Variants in NBEA observed in about 807,000 individuals in gnomAD.
NBEA encodes neurobeachin, also known as lysosomal-trafficking regulator 2.
NBEA carries 44 observed loss-of-function variants against 343.4 expected under a neutral mutation model. That is an observed-to-expected ratio of 0.13 (90% CI 0.10 to 0.16). The LOEUF (loss-of-function observed/expected upper bound fraction) is 0.16. NBEA is among the 10% of genes least tolerant of loss of function. The probability of loss-of-function intolerance (pLI) is 1.00; values close to 1 mark genes in which losing one functional copy is unlikely to be tolerated. For synonymous variants in NBEA, 1,175 were observed against 1,238.7 expected (o/e 0.95, Z 1.08); for missense variants, 2,555 against 3,631.3 (o/e 0.70, Z 7.62).
chr13:35,029,604 A>G (rs1188420513), intron 1 of NBEA, among the ~76,000 whole-genome samples: 1 of 151,636 alleles, frequency 6.6e-6, no homozygotes, highest in Non-Finnish European at 1.5e-5. Context: ...GCAGTTTAAC[A>G]ATTGTTCACT....
chr13:34,960,486 G>C (rs550983474), intron 1 of NBEA, among the ~76,000 whole-genome samples: 82 of 151,858 alleles, frequency 5.4e-4, no homozygotes, highest in Admixed American at 5.9e-4. Context: ...TAATGTCCTA[G>C]GCCTTCACAT....
chr13:35,333,650 AT>A (rs1486621477), intron 36 of NBEA, among the ~76,000 whole-genome samples: 1 of 151,856 alleles, frequency 6.6e-6, no homozygotes, highest in Admixed American at 6.6e-5. Flanking sequence ...TTTCTAATTA[AT>A]TTTTTTGTAC....
At chr13:35,433,063 T>C (rs538085946) in intron 39 of NBEA, among the ~76,000 whole-genome samples, 95 of 152,206 alleles carry the variant, frequency 6.2e-4, no homozygotes, top group African/African-American at 1.7e-3. Context: ...GGTCTCCTAC[T>C]TACAGTATCA....
intron 10 of NBEA, among the ~76,000 whole-genome samples, chr13:35,083,002 G>C (rs2064507919): frequency 6.6e-6 from 1 of 152,162 alleles, no homozygotes; most frequent in Admixed American, 6.5e-5. Context: ...CCATGCCTCT[G>C]TCCTGAATGG....
chr13:35,563,132 GAGATAGAT>G (rs3075543), intron 44 of NBEA, among the ~76,000 whole-genome samples: 6,282 of 123,516 alleles, frequency 0.051, 248 homozygotes, highest in African/African-American at 0.1. Flanking sequence ...TGTGTGTGTG[GAGATAGAT>G]AGATAGATAG....
At chr13:35,307,498 A>G (rs1456506321) in intron 35 of NBEA, among the ~76,000 whole-genome samples, 7 of 152,158 alleles carry the variant, frequency 4.6e-5, no homozygotes, top group East Asian at 1.9e-4. Context: ...TGATTCAAAG[A>G]TAATTTTCTC....
At chr13:35,164,144 G>C (rs1593571472) in intron 23 of NBEA, among the ~76,000 whole-genome samples, 1 of 152,118 alleles carries the variant, frequency 6.6e-6, no homozygotes, top group East Asian at 1.9e-4. Flanking sequence ...AATATAATGA[G>C]TTAATATACT....
chr13:35,325,239 A>G (rs1223657277), intron 36 of NBEA, among the ~76,000 whole-genome samples: 2 of 152,096 alleles, frequency 1.3e-5, no homozygotes, highest in African/African-American at 2.4e-5. Context: ...CCAGTATAAG[A>G]AAAACAATGG....
intron 49 of NBEA, among the ~76,000 whole-genome samples, chr13:35,631,685 G>A (rs1477096927): frequency 7.0e-6 from 1 of 143,382 alleles, no homozygotes; most frequent in African/African-American, 2.6e-5. Context: ...CTATAACTTT[G>A]AGTTTTGAAG....
At chr13:35,241,162 G>T (rs1288854690) in intron 34 of NBEA, among the ~76,000 whole-genome samples, 1 of 151,656 alleles carries the variant, frequency 6.6e-6, no homozygotes, top group Non-Finnish European at 1.5e-5. Context: ...CAGAATAAAG[G>T]GATGAAAAAA....
intron 41 of NBEA, among the ~76,000 whole-genome samples, chr13:35,548,050 G>T (rs2079144113): frequency 6.6e-6 from 1 of 152,170 alleles, no homozygotes; most frequent in Non-Finnish European, 1.5e-5. Flanking sequence ...TGGAGAACAG[G>T]CGCCTGCCAA....
At chr13:35,257,346 G>C (rs567101650) in intron 34 of NBEA, among the ~76,000 whole-genome samples, 4 of 151,936 alleles carry the variant, frequency 2.6e-5, no homozygotes, top group African/African-American at 4.8e-5. Context: ...TAATTCTATT[G>C]GTATTTTGAA....
intron 39 of NBEA, among the ~76,000 whole-genome samples, chr13:35,442,235 CAT>C (rs1217397487): frequency 6.6e-6 from 1 of 152,086 alleles, no homozygotes; most frequent in Non-Finnish European, 1.5e-5. Flanking sequence ...GCAATGTACT[CAT>C]ATAGTCACAA....
intron 38 of NBEA, among the ~76,000 whole-genome samples, chr13:35,415,536 A>C (rs2043853293): frequency 2.6e-5 from 4 of 152,146 alleles, no homozygotes; most frequent in Admixed American, 2.6e-4. Flanking sequence ...CAAAGATCAG[A>C]TAGTTGTAGA....
chr13:35,170,331 T>C (rs2152721758), intron 25 of NBEA, among the ~76,000 whole-genome samples: 1 of 151,926 alleles, frequency 6.6e-6, no homozygotes, highest in East Asian at 1.9e-4. Context: ...GAGTTAATAT[T>C]GATTGGAATG....
chr13:35,445,827 T>C (rs2046000460), intron 39 of NBEA, among the ~76,000 whole-genome samples: 2 of 138,450 alleles, frequency 1.4e-5, no homozygotes, highest in Non-Finnish European at 3.1e-5. Context: ...TGTATATATA[T>C]ATATTATATT....
chr13:35,325,094 G>T (rs546199085), intron 36 of NBEA, among the ~76,000 whole-genome samples: 8 of 151,724 alleles, frequency 5.3e-5, no homozygotes, highest in African/African-American at 1.7e-4. Flanking sequence ...AATGCTGATC[G>T]GGTTTTATAA....
At chr13:35,606,680 T>A in intron 48 of NBEA, 102 bp downstream of exon 48, 1 of 875,120 alleles carries the variant, frequency 1.1e-6, no homozygotes, top group African/African-American at 1.7e-5. Flanking sequence ...CAATTATACT[T>A]AACATCTATA....
intron 31 of NBEA, among the ~76,000 whole-genome samples, chr13:35,203,262 T>TA (rs765524418): frequency 5.9e-5 from 9 of 152,134 alleles, no homozygotes; most frequent in Non-Finnish European, 1.2e-4. Flanking sequence ...TCTCATCTCT[T>TA]ACAGCTCTCC....
Sources: allele counts gnomAD v4.1 joint callset (sites outside exome capture counted in the v4.1 genomes callset), GRCh38; gene constraint gnomAD v4.1.1; transcripts MANE v1.5; gene names NCBI Gene and HGNC (gene_info 2026-07-23, HGNC 2026-07-21).